CDH8: variants seen among roughly 807,000 people sequenced by gnomAD.
CDH8 encodes the protein cadherin 8.
Under a neutral mutation model 68.1 loss-of-function variants are expected in CDH8, and 17 were observed. That is an observed-to-expected ratio of 0.25 (90% confidence interval 0.17 to 0.37). The LOEUF is 0.37. Ranked by LOEUF, CDH8 falls within the 10% of genes least tolerant of loss-of-function variation. The pLI, the probability that CDH8 is intolerant of heterozygous loss-of-function variation, is 1.00. For missense variants in CDH8, 763 were observed against 999.3 expected (o/e 0.76, Z 3.19); for synonymous variants, 372 against 365.1 (o/e 1.02, Z -0.21).
intron 2 of CDH8, among the ~76,000 whole-genome samples, chr16:61,996,258 G>A (rs1965802998): frequency 6.6e-6 from 1 of 152,174 alleles, no homozygotes; most frequent in Non-Finnish European, 1.5e-5. Flanking sequence ...AGTCCAGGAT[G>A]AAAGAATCAT....
chr16:61,670,106 C>T (rs1451625142), intron 10 of CDH8, among the ~76,000 whole-genome samples: 3 of 151,976 alleles, frequency 2.0e-5, no homozygotes, highest in African/African-American at 2.4e-5. Context: ...GGTTATATTT[C>T]GTGTACTATC....
At chr16:61,865,442 T>C (rs372399900) in intron 3 of CDH8, among the ~76,000 whole-genome samples, 1 of 152,156 alleles carries the variant, frequency 6.6e-6, no homozygotes, top group African/African-American at 2.4e-5. Context: ...CCAGCAAACA[T>C]CTGTAATGTG....
chr16:62,019,501 T>C (rs1483486109), intron 2 of CDH8, among the ~76,000 whole-genome samples: 1 of 152,172 alleles, frequency 6.6e-6, no homozygotes, highest in Non-Finnish European at 1.5e-5. Context: ...AATTCAAAAC[T>C]TTTCATACTT....
intron 2 of CDH8, among the ~76,000 whole-genome samples, chr16:61,942,932 T>C (rs1597080477): frequency 6.6e-6 from 1 of 152,066 alleles, no homozygotes; most frequent in African/African-American, 2.4e-5. Context: ...AAGTGGTCCA[T>C]GCCTGTAGTC....
chr16:61,959,999 TATATATATATATATATAC>T (rs1206865120), intron 2 of CDH8, among the ~76,000 whole-genome samples: 4 of 81,096 alleles, frequency 4.9e-5, no homozygotes, highest in African/African-American at 3.1e-4. Context: ...TATATATATA[TATATATATATATATATAC>T]ACACATACAC....
chr16:61,769,645 C>T (rs1471320575), intron 8 of CDH8, among the ~76,000 whole-genome samples: 1 of 120,456 alleles, frequency 8.3e-6, no homozygotes, highest in Non-Finnish European at 1.7e-5. Context: ...ATTGAATCAA[C>T]ATTTCCAAAT....
intron 8 of CDH8, among the ~76,000 whole-genome samples, chr16:61,742,869 C>T (rs1428564823): frequency 1.3e-5 from 2 of 152,078 alleles, no homozygotes; most frequent in South Asian, 2.1e-4. Flanking sequence ...AAATTTATAT[C>T]GGTGAGTTCA....
intron 8 of CDH8, among the ~76,000 whole-genome samples, chr16:61,744,030 A>C (rs1959951654): frequency 6.6e-6 from 1 of 152,050 alleles, no homozygotes; most frequent in Non-Finnish European, 1.5e-5. Context: ...TATATACTGC[A>C]TGTGTTGAGA....
At chr16:61,702,892 G>T (rs139870659) in intron 10 of CDH8, among the ~76,000 whole-genome samples, 3 of 152,204 alleles carry the variant, frequency 2.0e-5, no homozygotes, top group Admixed American at 6.5e-5. Flanking sequence ...AGGAAAAATG[G>T]CAATAATAAT....
chr16:61,752,768 T>C (rs769851062), intron 8 of CDH8, among the ~76,000 whole-genome samples: 1 of 152,232 alleles, frequency 6.6e-6, no homozygotes, highest in African/African-American at 2.4e-5. Context: ...ATACAGTGCA[T>C]GCTACAAGTT....
chr16:61,652,275 T>C lies in CDH8; in HGVS notation c.*1333A>G. 1.0e-6 allele frequency: 1 copy of C among 985,076 alleles called. No homozygotes were observed. Among genetic ancestry groups the C allele is most frequent in the South Asian group, 4.7e-5 (1 of 21,278 alleles). The allele number at this position is 985,076 out of a possible 1,614,324, so 61.0% of individuals were successfully genotyped here. ...TCACCATGAAGATCAGGGATAGGAG[T>C]GCTAAAAACGTAAACAGTGAAATTA... On this transcript the variant is annotated 3_prime_UTR_variant, in exon 12 of 12. Coordinates refer to ENST00000577390, the MANE Select transcript of CDH8 (RefSeq NM_001796.5).
intron 10 of CDH8, among the ~76,000 whole-genome samples, chr16:61,702,976 TGCCTAATAAA>T: frequency 6.6e-6 from 1 of 152,276 alleles, no homozygotes; most frequent in East Asian, 1.9e-4. Flanking sequence ...AATAAATAGG[TGCCTAATAAA>T]TTTTAGACAT....
rs915888003 is a variant in CDH8, at chr16:61,773,300, T to G, written c.1414+16046A>C. On this transcript the variant is annotated intron_variant, in intron 8 of 11. Coordinates refer to ENST00000577390, the MANE Select transcript of CDH8 (RefSeq NM_001796.5). ...CTACTCCACACTACATACATGATTT[T>G]TTTGTGTGAATGATTTGCTAGAGTT... is the stretch of plus-strand genomic sequence containing the variant. Among the ~76,000 whole-genome samples, 4 of 152,068 alleles carry G rather than the reference T, an allele frequency of 2.6e-5. No individual in the cohort carries two copies. The East Asian group carries it at 7.8e-4, about 29-fold the overall frequency.
At chr16:61,927,194 T>C (rs1322903233) in intron 2 of CDH8, among the ~76,000 whole-genome samples, 1 of 152,184 alleles carries the variant, frequency 6.6e-6, no homozygotes, top group Non-Finnish European at 1.5e-5. Flanking sequence ...ATTTTACTTC[T>C]CTTAGCTTCA....
intron 2 of CDH8, among the ~76,000 whole-genome samples, chr16:61,955,892 A>G (rs1402819246): frequency 6.6e-6 from 1 of 152,128 alleles, no homozygotes; most frequent in African/African-American, 2.4e-5. Flanking sequence ...ACACAGTTCC[A>G]TTATCACCGT....
chr16:61,791,077 T>C (rs956931500), intron 7 of CDH8, among the ~76,000 whole-genome samples: 1 of 151,928 alleles, frequency 6.6e-6, no homozygotes, highest in African/African-American at 2.4e-5. Context: ...TATTGAGAAA[T>C]CATTTGAAAA....
chr16:61,647,684 T>C lies in CDH8; in HGVS notation c.*5924A>G. The C allele has an allele frequency of 1.6e-6, 1 of 634,140 alleles. No individual in the cohort carries two copies. Among genetic ancestry groups the C allele is most frequent in the Non-Finnish European group, 2.8e-6 (1 of 355,818 alleles). 39.3% of individuals were successfully genotyped at this position (634,140 alleles called of 1,614,324 possible). A position where few individuals can be genotyped will look rare whatever the true frequency, so the allele number is the denominator to read the frequency against. ...TCTTAGAGCATAATTGTTAAAATTT[T>C]CCTCTTATTTTTGAGGAATCATAGG... On this transcript the variant is annotated 3_prime_UTR_variant, in exon 12 of 12. Coordinates refer to ENST00000577390, the MANE Select transcript of CDH8 (RefSeq NM_001796.5).
At position 61,714,223 on chromosome 16, in the gene CDH8, T is replaced by A. The variant is rs1964680655; in HGVS notation, c.1537-265A>T. 8 of 395,186 alleles carry A rather than the reference T, an allele frequency of 2.0e-5. No individual in the cohort carries two copies. The South Asian group carries it at 2.4e-4, about 12-fold the overall frequency. The allele number at this position is 395,186 out of a possible 1,614,324, so 24.5% of individuals were successfully genotyped here. A position where few individuals can be genotyped will look rare whatever the true frequency, so the allele number is the denominator to read the frequency against. On this transcript the variant is annotated intron_variant, in intron 9 of 11. Coordinates refer to ENST00000577390, the MANE Select transcript of CDH8 (RefSeq NM_001796.5). ...TGTGGCTTGAAATAGCAAAGTTAAGTGTATTTGAAATATCCACTGGGCAAT... is the reference window on the plus strand; with the variant it reads ...TGTGGCTTGAAATAGCAAAGTTAAGAGTATTTGAAATATCCACTGGGCAAT...
chr16:61,673,419 T>C (rs1963836187), intron 10 of CDH8, among the ~76,000 whole-genome samples: 1 of 152,124 alleles, frequency 6.6e-6, no homozygotes, highest in African/African-American at 2.4e-5. Context: ...TTTAAAATAA[T>C]CTGATATAAG....
Sources: allele counts gnomAD v4.1 joint callset (sites outside exome capture counted in the v4.1 genomes callset), GRCh38; gene constraint gnomAD v4.1.1; transcripts MANE v1.5; gene names NCBI Gene and HGNC (gene_info 2026-07-23, HGNC 2026-07-21).